SYNPR: variants seen among roughly 807,000 people sequenced by gnomAD.
SYNPR encodes the protein synaptoporin.
In SYNPR, 23 loss-of-function variants were observed where a neutral mutation model predicts 32.9. That is an observed-to-expected ratio of 0.70 (90% CI 0.50 to 0.99). The LOEUF is 0.99. SYNPR is among the 50% of genes least tolerant of loss of function. The pLI is 0.00. For missense variants in SYNPR, 318 were observed against 349.3 expected (o/e 0.91, Z 0.71); for synonymous variants, 146 against 135.9 (o/e 1.07, Z -0.52).
chr3:63,434,824 G>A (rs577301947), intron 2 of SYNPR, among the ~76,000 whole-genome samples: 1 of 152,126 alleles, frequency 6.6e-6, no homozygotes, highest in South Asian at 2.1e-4. Context: ...TGCTATTTTT[G>A]ACTAGAATTA....
At chr3:63,447,354 C>T (rs1483223741) in intron 2 of SYNPR, among the ~76,000 whole-genome samples, 2 of 152,158 alleles carry the variant, frequency 1.3e-5, no homozygotes, top group Non-Finnish European at 2.9e-5. Flanking sequence ...CTCCATCTTG[C>T]CTATGTTTCA....
At chr3:63,334,605 A>G (rs1375097137) in intron 2 of SYNPR, among the ~76,000 whole-genome samples, 1 of 151,962 alleles carries the variant, frequency 6.6e-6, no homozygotes, top group East Asian at 1.9e-4. Flanking sequence ...CCACTTCACT[A>G]GTCACAAGCA....
chr3:63,292,481 A>G (rs1053612376), intron 2 of SYNPR, among the ~76,000 whole-genome samples: 2 of 152,218 alleles, frequency 1.3e-5, no homozygotes, highest in Admixed American at 1.3e-4. Flanking sequence ...TCATTTAGTA[A>G]TAGAAAAAAT....
At chr3:63,581,132 C>G (rs938412990) in intron 4 of SYNPR, among the ~76,000 whole-genome samples, 4 of 152,092 alleles carry the variant, frequency 2.6e-5, no homozygotes, top group Admixed American at 1.3e-4. Flanking sequence ...AAGAAAGGAT[C>G]CCTCAGGGGT....
At chr3:63,564,461 C>G (rs1291521578) in intron 4 of SYNPR, among the ~76,000 whole-genome samples, 1 of 151,438 alleles carries the variant, frequency 6.6e-6, no homozygotes, top group Admixed American at 6.6e-5. Context: ...TCCCAAAGTG[C>G]TGGGATTGCA....
chr3:63,336,824 C>G (rs545974503), intron 2 of SYNPR, among the ~76,000 whole-genome samples: 1 of 152,026 alleles, frequency 6.6e-6, no homozygotes, highest in East Asian at 1.9e-4. Context: ...CCACAGATTG[C>G]AAGAAAATAT....
At chr3:63,204,837 G>A in the SYNPR span, among the ~76,000 whole-genome samples, 62,685 of 151,778 alleles carry the variant, frequency 0.41, 14,243 homozygotes, top group Admixed American at 0.52. Flanking sequence ...ACAGGCATGC[G>A]CCACCATGCC....
intron 5 of SYNPR, among the ~76,000 whole-genome samples, chr3:63,613,489 G>A (rs1003821307): frequency 2.0e-5 from 3 of 151,804 alleles, no homozygotes. Context: ...AAGGAAGAAG[G>A]AGGGAGGTCT....
intron 3 of SYNPR, among the ~76,000 whole-genome samples, chr3:63,492,181 T>A (rs967129222): frequency 1.3e-5 from 2 of 152,146 alleles, no homozygotes; most frequent in African/African-American, 2.4e-5. Context: ...TCCTAATGGC[T>A]GAATGTAACT....
chr3:63,315,374 A>C (rs1474734090), intron 2 of SYNPR, among the ~76,000 whole-genome samples: 1 of 151,978 alleles, frequency 6.6e-6, no homozygotes, highest in African/African-American at 2.4e-5. Context: ...TGAACATGGG[A>C]TGTGTTTCCA....
chr3:63,228,854 C>G (rs969430842), intron 1 of SYNPR, among the ~76,000 whole-genome samples: 1 of 151,760 alleles, frequency 6.6e-6, no homozygotes, highest in Middle Eastern at 3.2e-3. Context: ...TGCTTTCACG[C>G]CATCTGAGAC....
chr3:63,484,101 T>C (rs537287620), intron 3 of SYNPR, among the ~76,000 whole-genome samples: 2 of 152,336 alleles, frequency 1.3e-5, no homozygotes, highest in South Asian at 2.1e-4. Context: ...AAAGTAATAA[T>C]GTGCTTCTTC....
intron 2 of SYNPR, among the ~76,000 whole-genome samples, chr3:63,312,187 T>C (rs1169795602): frequency 6.6e-6 from 1 of 152,062 alleles, no homozygotes; most frequent in Non-Finnish European, 1.5e-5. Flanking sequence ...CTTAAGTAGC[T>C]ACTGTTTGAC....
chr3:63,210,743 A>G, the SYNPR span, among the ~76,000 whole-genome samples: 1 of 152,080 alleles, frequency 6.6e-6, no homozygotes, highest in Non-Finnish European at 1.5e-5. Context: ...GTTTCAAACT[A>G]TCTTTCCCTT....
At chr3:63,371,459 G>T (rs965776624) in intron 2 of SYNPR, among the ~76,000 whole-genome samples, 1 of 152,236 alleles carries the variant, frequency 6.6e-6, no homozygotes, top group African/African-American at 2.4e-5. Context: ...CACCTTGCAG[G>T]ATAAGGCCCA....
At chr3:63,364,938 C>G (rs1022976466) in intron 2 of SYNPR, among the ~76,000 whole-genome samples, 1 of 151,680 alleles carries the variant, frequency 6.6e-6, no homozygotes, top group Non-Finnish European at 1.5e-5. Flanking sequence ...TCTCAAGTGA[C>G]CTGAATAAAT....
chr3:63,280,204 A>G (rs528409816), intron 2 of SYNPR, among the ~76,000 whole-genome samples: 7 of 152,326 alleles, frequency 4.6e-5, no homozygotes, highest in African/African-American at 1.7e-4. Context: ...TGTACACACC[A>G]ATACTGTGGC....
chr3:63,395,946 G>C (rs1254654681), intron 2 of SYNPR, among the ~76,000 whole-genome samples: 1 of 151,656 alleles, frequency 6.6e-6, no homozygotes, highest in Non-Finnish European at 1.5e-5. Flanking sequence ...CATTTCTTTT[G>C]AAGATTAAAT....
intron 2 of SYNPR, among the ~76,000 whole-genome samples, chr3:63,322,310 G>A (rs552333886): frequency 6.6e-6 from 1 of 152,206 alleles, no homozygotes; most frequent in Admixed American, 6.6e-5. Context: ...AGTGCCACAT[G>A]TGGACTAGGT....
Sources: gnomAD v4.1 joint callset for allele counts (sites outside exome capture counted in the v4.1 genomes callset) on GRCh38, gnomAD v4.1.1 for gene constraint, MANE v1.5 for transcripts, NCBI Gene and HGNC (gene_info 2026-07-23, HGNC 2026-07-21) for gene names.